The following LRP1B variants were observed in gnomAD, a reference collection of about 807,000 sequenced individuals.
LRP1B encodes the protein low-density lipoprotein receptor-related protein 1B.
A neutral mutation model predicts 556.6 loss-of-function variants in LRP1B; 217 were observed. The observed-to-expected ratio is 0.39, with a 90% confidence interval of 0.35 to 0.44. The LOEUF (loss-of-function observed/expected upper bound fraction) is 0.44. Among genes scored for constraint, LRP1B ranks in the 20% least tolerant of loss-of-function variants. The pLI is 1.00. For missense variants in LRP1B, 5,053 were observed against 5,620.8 expected, an observed-to-expected ratio of 0.90 and a Z score of 3.23; for synonymous variants, 2,047 against 1,865.8, an observed-to-expected ratio of 1.10 and a Z score of -2.50.
intron 63 of LRP1B, among the ~76,000 whole-genome samples, chr2:140,445,120 CTTTTT>C (rs903065917): frequency 1.3e-4 from 20 of 151,590 alleles, no homozygotes; most frequent in Non-Finnish European, 4.4e-5. Context: ...CTCTCTCTCT[CTTTTT>C]TTTCTTTTGA....
intron 43 of LRP1B, among the ~76,000 whole-genome samples, chr2:140,547,678 G>A (rs1233529080): frequency 6.6e-6 from 1 of 151,820 alleles, no homozygotes; most frequent in Admixed American, 6.6e-5. Flanking sequence ...TCCTTTTATG[G>A]ATAAATTATA....
chr2:141,574,033 C>T (rs930840194), intron 2 of LRP1B, among the ~76,000 whole-genome samples: 1 of 152,126 alleles, frequency 6.6e-6, no homozygotes, highest in African/African-American at 2.4e-5. Context: ...GGAGCTGGTA[C>T]CATTCCTACT....
chr2:140,747,572 C>A (rs1042437095), intron 35 of LRP1B, among the ~76,000 whole-genome samples: 1 of 152,084 alleles, frequency 6.6e-6, no homozygotes, highest in Non-Finnish European at 1.5e-5. Context: ...GGAGAAATTT[C>A]AATGTCAATT....
At chr2:141,054,695 G>C (rs1338773126) in intron 10 of LRP1B, among the ~76,000 whole-genome samples, 1 of 151,922 alleles carries the variant, frequency 6.6e-6, no homozygotes, top group Non-Finnish European at 1.5e-5. Flanking sequence ...TCACTCCCCA[G>C]TGATGCTGGA....
At chr2:140,884,043 C>T (rs2105187837) in intron 24 of LRP1B, 22 bp from the exon 25 acceptor site, 3 of 1,602,924 alleles carry the variant, frequency 1.9e-6, no homozygotes, top group East Asian at 4.5e-5. Flanking sequence ...GGAAAACCAA[C>T]ATGTGCACCC....
At chr2:140,460,910 C>T (rs1056953922) in intron 60 of LRP1B, among the ~76,000 whole-genome samples, 4 of 151,658 alleles carry the variant, frequency 2.6e-5, no homozygotes, top group Non-Finnish European at 5.9e-5. Flanking sequence ...GAGTTTTTCC[C>T]TGAGTCGAGT....
intron 41 of LRP1B, among the ~76,000 whole-genome samples, chr2:140,632,069 A>G (rs1683906723): frequency 6.6e-6 from 1 of 152,202 alleles, no homozygotes. Context: ...CTCAAAATTG[A>G]AGAATAAATA....
chr2:141,790,861 T>G (rs1436131004), intron 2 of LRP1B, among the ~76,000 whole-genome samples: 3 of 151,984 alleles, frequency 2.0e-5, no homozygotes. Context: ...GCATTTCATA[T>G]TTTTTTGTTG....
At chr2:141,418,252 C>A (rs1421710362) in intron 3 of LRP1B, among the ~76,000 whole-genome samples, 11 of 152,080 alleles carry the variant, frequency 7.2e-5, no homozygotes, top group Admixed American at 7.2e-4. Context: ...TGTAATCTCA[C>A]TTGTCTATTT....
chr2:140,885,991 C>G (rs1023397065), intron 24 of LRP1B, 147 bp downstream of exon 24: 7 of 560,898 alleles, frequency 1.2e-5, no homozygotes, highest in African/African-American at 1.9e-5. Context: ...CACAGATGCT[C>G]AATATCCCTG....
intron 47 of LRP1B, 101 bp downstream of exon 47, chr2:140,533,920 C>G: frequency 1.6e-6 from 2 of 1,231,574 alleles, no homozygotes; most frequent in Non-Finnish European, 2.3e-6. Flanking sequence ...ATAGATGTTA[C>G]TAGGTGTTAT....
chr2:140,285,770 C>A (rs917857459), intron 84 of LRP1B, among the ~76,000 whole-genome samples: 1 of 151,670 alleles, frequency 6.6e-6, no homozygotes, highest in Non-Finnish European at 1.5e-5. Context: ...ATCCCAGATA[C>A]TTTTATTTAG....
intron 7 of LRP1B, among the ~76,000 whole-genome samples, chr2:141,161,161 A>T (rs1430822689): frequency 6.6e-6 from 1 of 152,076 alleles, no homozygotes; most frequent in Non-Finnish European, 1.5e-5. Context: ...AAAATTTTTT[A>T]AAAAGTTTTC....
At chr2:141,998,420 T>A (rs1702559698) in intron 1 of LRP1B, among the ~76,000 whole-genome samples, 1 of 152,200 alleles carries the variant, frequency 6.6e-6, no homozygotes, top group Admixed American at 6.5e-5. Flanking sequence ...TAATGTTATT[T>A]TAATCTATTA....
rs997746695 is a variant in LRP1B at position 140,804,034 on chromosome 2, T to C, written c.5359+9623A>G. Among the ~76,000 whole-genome samples, 6 of 151,436 alleles carry C rather than the reference T, an allele frequency of 4.0e-5. 1 individual carries two copies. The highest frequency in any genetic ancestry group is 1.5e-4 in the African/African-American group (6 of 41,314). On this transcript the variant is annotated intron_variant, in intron 32 of 90. Transcript: ENST00000389484. The stretch of plus-strand genomic sequence containing the variant: ...CTTTGAAACTTGAAGTTTCAGCTGC[T>C]TTTTACATTCAGGGGAAGAGAGATT...
In LRP1B at chr2:140,942,232, G is replaced by A. The variant is rs776473294; in HGVS notation, c.3136+8003C>T. Among the ~76,000 whole-genome samples the A allele has an allele frequency of 3.3e-4, 50 of 151,988 alleles. 1 individual carries two copies. Among genetic ancestry groups the A allele is most frequent in the Admixed American group, 6.6e-5 (1 of 15,240 alleles). On this transcript the variant is annotated intron_variant, in intron 20 of 90. Coordinates refer to ENST00000389484, the MANE Select transcript of LRP1B (RefSeq NM_018557.3). ...CAATTTTTTCAATCAACGCAGTCAC[G>A]CAAAAATAAAGAAAAATAATTAAAA...
At chr2:141,286,384 A>G (rs558138130) in intron 3 of LRP1B, among the ~76,000 whole-genome samples, 92 of 152,206 alleles carry the variant, frequency 6.0e-4, no homozygotes, top group African/African-American at 2.1e-3. Context: ...TTTTATGTCT[A>G]TGTTTATAAA....
intron 32 of LRP1B, among the ~76,000 whole-genome samples, chr2:140,803,419 G>A (rs748864042): frequency 4.6e-5 from 7 of 151,384 alleles, no homozygotes; most frequent in Non-Finnish European, 8.8e-5. Context: ...TGGGACTACA[G>A]GCACATGCCA....
At position 140,354,842 on chromosome 2, in the gene LRP1B, A is replaced by G. The variant is rs1183016106; in HGVS notation, c.11530+1500T>C. The stretch of plus-strand genomic sequence containing the variant: ...CATTCCTCTTTACTTTTTTCCCTTT[A>G]GATATTCTAATTGAAGTGTTTGGGC... On this transcript the variant is annotated intron_variant, in intron 75 of 90. Transcript: ENST00000389484. Among the ~76,000 whole-genome samples, 3 of 152,016 alleles carry G rather than the reference A, an allele frequency of 2.0e-5. No individual in the cohort carries two copies. The East Asian group carries it at 5.8e-4, about 30-fold the overall frequency.
Sources: gnomAD v4.1 joint callset for allele counts (sites outside exome capture counted in the v4.1 genomes callset) on GRCh38, gnomAD v4.1.1 for gene constraint, MANE v1.5 for transcripts, NCBI Gene and HGNC (gene_info 2026-07-23, HGNC 2026-07-21) for gene names.